Variants in PKHD1L1 observed in about 807,000 individuals in gnomAD.
PKHD1L1 encodes PKHD1 like 1.
PKHD1L1 carries 434 observed loss-of-function variants against 462.9 expected under a neutral mutation model. That is an observed-to-expected ratio of 0.94 (90% CI 0.87 to 1.02). The LOEUF (loss-of-function observed/expected upper bound fraction) is 1.02. PKHD1L1 is among the 50% of genes least tolerant of loss of function. The pLI, the probability that PKHD1L1 is intolerant of heterozygous loss-of-function variation, is 0.00. For missense variants in PKHD1L1, 5,202 were observed against 5,096.1 expected, an observed-to-expected ratio of 1.02 and a Z score of -0.63; for synonymous variants, 1,781 against 1,750.0, an observed-to-expected ratio of 1.02 and a Z score of -0.44.
Position 109,420,591 on chromosome 8 carries a change from C to T in PKHD1L1, c.2598C>T (p.Thr866=). The part of the protein sequence containing the change: ...IFLEHFQVNQ[T]KTNGPTMTNQ... The stretch of plus-strand genomic sequence containing the variant: ...TAGAGCACTTTCAGGTGAATCAGAC[C>T]AAAACAAATGGGCCAACTATGACAA... Residue 866 remains threonine (T), a synonymous_variant, in exon 23 of 78, where the codon ACC becomes ACT. Coordinates refer to ENST00000378402, the MANE Select transcript of PKHD1L1 (RefSeq NM_177531.6). The T allele has an allele frequency of 2.5e-6, 4 of 1,609,798 alleles. No homozygotes were observed. The highest frequency in any genetic ancestry group is 3.4e-6 in the Non-Finnish European group (4 of 1,177,900).
At chr8:109,490,361 G>A (rs1264451933) in intron 60 of PKHD1L1, among the ~76,000 whole-genome samples, 1 of 151,538 alleles carries the variant, frequency 6.6e-6, no homozygotes, top group Non-Finnish European at 1.5e-5. Flanking sequence ...TTTCCAAATG[G>A]TTTCTAGTAA....
chr8:109,477,259 C>T lies in PKHD1L1; in HGVS notation c.8952C>T (p.Leu2984=), dbSNP rs1818035128. ...GAAATGACCTTCATCAGAGTCAGCT[C>T]ATTTCTGGGAACCTGGATCCTGATG... ...SGRNDLHQSQ[L]ISGNLDPDVK... The change falls in exon 53 of 78, where the codon CTC becomes CTT. Residue 2984 remains leucine, a synonymous_variant. Coordinates refer to ENST00000378402, the MANE Select transcript of PKHD1L1 (RefSeq NM_177531.6). 9.9e-6 allele frequency: 16 copies of T among 1,613,422 alleles called. No individual in the cohort carries two copies. Among genetic ancestry groups the T allele is most frequent in the Non-Finnish European group, 1.4e-5 (16 of 1,179,616 alleles).
Position 109,384,071 on chromosome 8 carries a change from C to T in PKHD1L1, c.419C>T (p.Ala140Val). 1 of 1,604,018 alleles carries T rather than the reference C, an allele frequency of 6.2e-7. No homozygotes were observed. Among genetic ancestry groups the T allele is most frequent in the Non-Finnish European group, 8.5e-7 (1 of 1,171,500 alleles). The change falls in exon 5 of 78, where the codon GCA (alanine) becomes GTA (valine). Residue 140 changes from alanine (A) to valine (V), a missense_variant and splice_region_variant. Physicochemically the swap from Ala to Val is moderately conservative, Grantham distance 64. Around this residue, in one of 3 missense-constraint regions of PKHD1L1, gnomAD observed 4,497 missense variants for 4,336.8 expected, o/e 1.04. Transcript: ENST00000378402. ...HINSWECTFN[A>V]KSFRTPTIRS... ...ATATTGACATTATTCTTTTTACAGG[C>T]AAAAAGTTTTAGAACCCCAACAATA...
At chr8:109,393,949 G>A (rs553890645) in intron 9 of PKHD1L1, among the ~76,000 whole-genome samples, 17 of 152,124 alleles carry the variant, frequency 1.1e-4, no homozygotes, top group South Asian at 4.1e-4. Context: ...GGCCGAGGAT[G>A]GATCACGAGG....
chr8:109,438,072 A>G (rs573165185), intron 30 of PKHD1L1, among the ~76,000 whole-genome samples: 1 of 152,310 alleles, frequency 6.6e-6, no homozygotes, highest in Non-Finnish European at 1.5e-5. Flanking sequence ...TCAGAAATCC[A>G]ATAATATAGA....
Position 109,452,736 on chromosome 8 carries a change from T to C in PKHD1L1, c.6526T>C (p.Tyr2176His), listed in dbSNP as rs1816603702. ...ATTACAGGATAATGCTGACTTTCTT[T>C]ATGTTGATGCCTGGTCCTCCAATTT... ...MAKLDNADFL[Y>H]VDAWSSNFSW... Residue 2176 changes from tyrosine to histidine, a missense_variant, in exon 43 of 78, where the codon TAT becomes CAT. Tyr to His is a moderately conservative substitution (Grantham distance 83). Around this residue, in one of 3 missense-constraint regions of PKHD1L1, gnomAD observed 4,497 missense variants for 4,336.8 expected, o/e 1.04. Transcript: ENST00000378402. 4 of 1,535,710 alleles carry C rather than the reference T, an allele frequency of 2.6e-6. No individual in the cohort carries two copies. Among genetic ancestry groups the C allele is most frequent in the Non-Finnish European group, 3.5e-6 (4 of 1,143,852 alleles).
rs942633584 is a variant in PKHD1L1 at position 109,383,930 on chromosome 8, C to T, written c.418-140C>T. 1.5e-5 allele frequency: 10 copies of T among 684,438 alleles called. No individual in the cohort carries two copies. In the Admixed American group the frequency reaches 1.6e-4, roughly 11 times the overall value. 42.4% of individuals were successfully genotyped at this position (684,438 alleles called of 1,614,324 possible). ...CCTCTAATTTAACTCTTAGGTTCAT[C>T]TTATTTAAATATCTTCTTTCCTACA... On this transcript the variant is annotated intron_variant, in intron 4 of 77. Coordinates refer to ENST00000378402, the MANE Select transcript of PKHD1L1 (RefSeq NM_177531.6).
At chr8:109,362,685 A>G (rs1273514269) in intron 1 of PKHD1L1, 32 bp downstream of exon 1, 1 of 1,566,870 alleles carries the variant, frequency 6.4e-7, no homozygotes. Context: ...GCAGGCAAGC[A>G]GGAGAGGCCC....
chr8:109,476,875 C>T lies in PKHD1L1; in HGVS notation c.8917+208C>T, dbSNP rs557217797. Among the ~76,000 whole-genome samples, 4 of 152,190 alleles carry T rather than the reference C, an allele frequency of 2.6e-5. No homozygotes were observed. In the South Asian group the frequency reaches 8.3e-4, roughly 31 times the overall value. Reference sequence around the variant, plus strand: ...CTTTCATTTTATGTTGAAGGTGACACCAGCATGCTTGCACATTGACAGTTT... The same window carrying T: ...CTTTCATTTTATGTTGAAGGTGACATCAGCATGCTTGCACATTGACAGTTT... On this transcript the variant is annotated intron_variant, in intron 52 of 77. Coordinates refer to ENST00000378402, the MANE Select transcript of PKHD1L1 (RefSeq NM_177531.6).
intron 24 of PKHD1L1, among the ~76,000 whole-genome samples, 161 bp from the exon 25 acceptor site, chr8:109,426,841 C>T (rs531457427): frequency 6.6e-6 from 1 of 152,062 alleles, no homozygotes; most frequent in Non-Finnish European, 1.5e-5. Flanking sequence ...TTAGTAGAGA[C>T]GGGGTTTTAC....
intron 2 of PKHD1L1, among the ~76,000 whole-genome samples, chr8:109,378,390 T>A (rs1477843508): frequency 2.0e-5 from 3 of 152,094 alleles, no homozygotes; most frequent in Non-Finnish European, 4.4e-5. Flanking sequence ...TCATTTCTGG[T>A]CTCCTCTCCT....
intron 50 of PKHD1L1, among the ~76,000 whole-genome samples, chr8:109,468,214 T>C (rs1817548728): frequency 6.6e-6 from 1 of 152,236 alleles, no homozygotes; most frequent in African/African-American, 2.4e-5. Context: ...AATTTTGTTA[T>C]TACACTCCAT....
chr8:109,446,808 G>T (rs1354411039), intron 38 of PKHD1L1, among the ~76,000 whole-genome samples: 8 of 152,060 alleles, frequency 5.3e-5, no homozygotes, highest in Non-Finnish European at 4.4e-5. Flanking sequence ...GAACTGAGCT[G>T]TTTTATTTGC....
intron 71 of PKHD1L1, among the ~76,000 whole-genome samples, chr8:109,514,069 A>G (rs903354777): frequency 3.3e-5 from 5 of 151,826 alleles, no homozygotes; most frequent in Admixed American, 2.6e-4. Context: ...AATCTCTCCC[A>G]CCCCTGAGCT....
intron 2 of PKHD1L1, among the ~76,000 whole-genome samples, chr8:109,372,919 G>A (rs1157335109): frequency 1.3e-5 from 2 of 152,190 alleles, no homozygotes; most frequent in South Asian, 2.1e-4. Context: ...GTATTTTATT[G>A]AGGATTTTTG....
At chr8:109,368,452 T>C (rs572088450) in intron 2 of PKHD1L1, among the ~76,000 whole-genome samples, 90 of 152,336 alleles carry the variant, frequency 5.9e-4, no homozygotes, top group East Asian at 1.4e-3. Context: ...TTGTGAATAC[T>C]GAAAAGGATG....
intron 10 of PKHD1L1, among the ~76,000 whole-genome samples, chr8:109,395,476 A>G (rs891313624): frequency 2.6e-5 from 4 of 152,352 alleles, no homozygotes; most frequent in Middle Eastern, 3.4e-3. Flanking sequence ...AAGTTTATTT[A>G]GTGTGAAATT....
chr8:109,434,895 A>T (rs577392550), intron 28 of PKHD1L1, among the ~76,000 whole-genome samples: 24 of 151,966 alleles, frequency 1.6e-4, no homozygotes, highest in South Asian at 1.5e-3. Context: ...TTTTTTTTTA[A>T]AAAAATTATG....
At chr8:109,469,547 G>A (rs1817616000) in intron 50 of PKHD1L1, among the ~76,000 whole-genome samples, 1 of 152,088 alleles carries the variant, frequency 6.6e-6, no homozygotes, top group South Asian at 2.1e-4. Context: ...GGTAGAGAAG[G>A]GTGAAAAGTG....
Sources: gnomAD v4.1 joint callset for allele counts (sites outside exome capture counted in the v4.1 genomes callset) on GRCh38, gnomAD v4.1.1 for gene constraint, gnomAD v4.1.1 regional missense constraint, MANE v1.5 for transcripts, NCBI Gene and HGNC (gene_info 2026-07-23, HGNC 2026-07-21) for gene names.